RAB38: variants seen among roughly 807,000 people sequenced by gnomAD.
The protein encoded by RAB38 is RAB38, member RAS oncogene family.
In RAB38, 15 loss-of-function variants were observed where a neutral mutation model predicts 18.4. The observed-to-expected ratio is 0.82, with a 90% CI of 0.55 to 1.26. The LOEUF (loss-of-function observed/expected upper bound fraction) is 1.26. RAB38 is among the 50% of genes most tolerant of loss of function. The pLI is 0.00. For missense variants in RAB38, 294 were observed against 267.4 expected (o/e 1.10, Z -0.69); for synonymous variants, 101 against 104.4 (o/e 0.97, Z 0.20).
At chr11:88,161,236 C>T (rs970231874) in intron 1 of RAB38, among the ~76,000 whole-genome samples, 8 of 152,068 alleles carry the variant, frequency 5.3e-5, no homozygotes, top group Non-Finnish European at 1.2e-4. Flanking sequence ...TTTTAAAACG[C>T]ATCCTAAATT....
chr11:88,074,441 ATT>A, the RAB38 span, among the ~76,000 whole-genome samples: 3 of 152,176 alleles, frequency 2.0e-5, no homozygotes, highest in African/African-American at 7.2e-5. Context: ...CTTTGTTGAT[ATT>A]CTTTTCTTTC....
chr11:87,930,851 G>T, the RAB38 span, among the ~76,000 whole-genome samples: 48 of 94,540 alleles, frequency 5.1e-4, 1 homozygote, highest in Non-Finnish European at 8.8e-4. Flanking sequence ...GTTTTTGTCA[G>T]GTTTGTCAAA....
the RAB38 span, among the ~76,000 whole-genome samples, chr11:87,870,672 T>C: frequency 1.3e-5 from 2 of 151,616 alleles, no homozygotes; most frequent in South Asian, 2.1e-4. Context: ...AGCAGGAAAG[T>C]GATAACTCAA....
the RAB38 span, among the ~76,000 whole-genome samples, chr11:87,959,014 C>T: frequency 7.2e-5 from 11 of 152,148 alleles, no homozygotes; most frequent in Non-Finnish European, 1.3e-4. Flanking sequence ...AACACCTCCT[C>T]CTTCTGCGGA....
At chr11:88,138,860 G>A (rs550084781) in intron 2 of RAB38, among the ~76,000 whole-genome samples, 21 of 151,402 alleles carry the variant, frequency 1.4e-4, no homozygotes, top group Non-Finnish European at 2.6e-4. Context: ...TCGGCTCCCT[G>A]CAAGCTCCGC....
the RAB38 span, among the ~76,000 whole-genome samples, chr11:87,914,694 T>C: frequency 3.9e-5 from 6 of 152,240 alleles, no homozygotes; most frequent in African/African-American, 1.4e-4. Flanking sequence ...CCTGACACCA[T>C]TTCAAAGATT....
rs1942497824 is a variant in RAB38, at chr11:88,113,276, T to C, written c.*712A>G. 1 of 152,406 alleles carries C rather than the reference T, an allele frequency of 6.6e-6. No individual in the cohort carries two copies. Among genetic ancestry groups the C allele is most frequent in the South Asian group, 2.1e-4 (1 of 4,822 alleles). 9.4% of individuals were successfully genotyped at this position (152,406 alleles called of 1,614,324 possible). A position where few individuals can be genotyped will look rare whatever the true frequency, so the allele number is the denominator to read the frequency against. On this transcript the variant is annotated 3_prime_UTR_variant, in exon 3 of 3. Coordinates refer to ENST00000243662, the MANE Select transcript of RAB38 (RefSeq NM_022337.3). The stretch of plus-strand genomic sequence containing the variant: ...TAGGGAAACAGCATCTTTTAATGTT[T>C]TATTGTTCACTTGCAAAAATATATA...
chr11:88,083,571 T>C, the RAB38 span, among the ~76,000 whole-genome samples: 1 of 151,930 alleles, frequency 6.6e-6, no homozygotes, highest in Non-Finnish European at 1.5e-5. Flanking sequence ...TGCCATGGTT[T>C]GAATGTGTCC....
the RAB38 span, among the ~76,000 whole-genome samples, chr11:88,037,674 TA>T: frequency 6.6e-6 from 1 of 152,146 alleles, no homozygotes; most frequent in Non-Finnish European, 1.5e-5. Flanking sequence ...ATCATATAAA[TA>T]AAATGATACA....
At chr11:87,939,379 TACAC>T in the RAB38 span, among the ~76,000 whole-genome samples, 3,875 of 146,360 alleles carry the variant, frequency 0.026, 71 homozygotes, top group Non-Finnish European at 0.035. Context: ...CACACATACA[TACAC>T]ACACACACAC....
At chr11:88,169,129 T>A (rs1399935188) in intron 1 of RAB38, among the ~76,000 whole-genome samples, 1 of 152,134 alleles carries the variant, frequency 6.6e-6, no homozygotes, top group African/African-American at 2.4e-5. Context: ...GAGAGGCATA[T>A]GTACTATCTG....
chr11:88,099,443 C>T, the RAB38 span, among the ~76,000 whole-genome samples: 2 of 151,508 alleles, frequency 1.3e-5, no homozygotes, highest in East Asian at 1.9e-4. Context: ...AAAATCAAAA[C>T]GAGGGGAGAG....
At chr11:87,928,490 G>T in the RAB38 span, among the ~76,000 whole-genome samples, 1 of 151,922 alleles carries the variant, frequency 6.6e-6, no homozygotes, top group Non-Finnish European at 1.5e-5. Context: ...ATCTTAAAAT[G>T]CATTTAAATG....
chr11:88,038,395 G>C, the RAB38 span, among the ~76,000 whole-genome samples: 4 of 152,040 alleles, frequency 2.6e-5, no homozygotes, highest in African/African-American at 9.7e-5. Flanking sequence ...GGAGGTAGAT[G>C]GTATATTTTT....
chr11:88,107,610 C>G, the RAB38 span, among the ~76,000 whole-genome samples: 1 of 151,300 alleles, frequency 6.6e-6, no homozygotes, highest in Admixed American at 6.6e-5. Flanking sequence ...TTTTGTGTCT[C>G]TATCTCCTTC....
the RAB38 span, among the ~76,000 whole-genome samples, chr11:88,079,286 ATT>A: frequency 0.033 from 5,049 of 151,928 alleles, 222 homozygotes; most frequent in South Asian, 0.073. Context: ...ATAATAAGCA[ATT>A]ATTATTCAAA....
rs756146816 is a variant in RAB38, at chr11:88,114,068, C to A, written c.556G>T (p.Glu186Ter). ...TTCACGACGTCCGGCTCAATAGACT[C>A]CATTAGGTCACACTCATTTGCAAGT... ...HILANECDLMESIEPDVVKPH... is the reference protein window; with the variant it reads ...HILANECDLM Residue 186 changes from glutamate (E) to a stop codon, truncating the protein, a stop_gained, in exon 3 of 3, where the codon GAG becomes TAG. Coordinates refer to ENST00000243662, the MANE Select transcript of RAB38 (RefSeq NM_022337.3). LOFTEE classifies it high-confidence loss of function. 1 of 1,614,060 alleles carries A rather than the reference C, an allele frequency of 6.2e-7. No individual in the cohort carries two copies. The highest frequency in any genetic ancestry group is 1.3e-5 in the African/African-American group (1 of 74,918).
the RAB38 span, among the ~76,000 whole-genome samples, chr11:87,969,097 C>T: frequency 6.6e-6 from 1 of 152,004 alleles, no homozygotes; most frequent in South Asian, 2.1e-4. Context: ...TGATCTTTTT[C>T]CTATGGTCTT....
the RAB38 span, among the ~76,000 whole-genome samples, chr11:87,893,371 C>CATATATATATATATGTGTGTAT: frequency 3.5e-5 from 3 of 86,420 alleles, no homozygotes; most frequent in East Asian, 3.7e-4. Context: ...ATATATTTTA[C>CATATATATATATATGTGTGTAT]ATATATATAT....
Sources: allele counts gnomAD v4.1 joint callset (sites outside exome capture counted in the v4.1 genomes callset), GRCh38; gene constraint gnomAD v4.1.1; transcripts MANE v1.5; gene names NCBI Gene and HGNC (gene_info 2026-07-23, HGNC 2026-07-21).